SLC22A17: variants seen among roughly 807,000 people sequenced by gnomAD.
The protein encoded by SLC22A17 is solute carrier family 22 member 17.
Under a neutral mutation model 53.6 loss-of-function variants are expected in SLC22A17, and 38 were observed. That is an observed-to-expected ratio of 0.71 (90% CI 0.55 to 0.93). The LOEUF (loss-of-function observed/expected upper bound fraction) is 0.93, where lower values mean the gene tolerates loss of function less well. Ranked by LOEUF, SLC22A17 falls within the 40% of genes least tolerant of loss-of-function variation. SLC22A17 has a pLI of 0.00. For synonymous variants in SLC22A17, 379 were observed against 353.0 expected (o/e 1.07, Z -0.82); for missense variants, 704 against 791.0 (o/e 0.89, Z 1.32).
chr14:23,351,814 C>T (rs772006019), exon 3 of SLC22A17: 5 of 1,613,840 alleles, frequency 3.1e-6, no homozygotes, highest in South Asian at 1.1e-5. Flanking sequence ...AGAGGATCTG[C>T]TCCAGGATCA....
At chr14:23,349,191 G>A in intron 4 of SLC22A17, 81 bp downstream of exon 4, 3 of 1,568,504 alleles carry the variant, frequency 1.9e-6, no homozygotes, top group Non-Finnish European at 1.8e-6. Context: ...ATGTGGCCTA[G>A]GGGGCAGTGA....
chr14:23,347,760 C>T lies in SLC22A17; in HGVS notation c.1278-29G>A. Reference sequence around the variant, plus strand: ...TGAGAAGGGGTGGGGAAGCAACGAACAGAGCCTGAATCCCCTCCCGCAGCC... The same window carrying T: ...TGAGAAGGGGTGGGGAAGCAACGAATAGAGCCTGAATCCCCTCCCGCAGCC... On this transcript the variant is annotated intron_variant, in intron 7 of 9. Transcript: ENST00000397267. The surrounding 1 kb of genome is among the most constrained non-coding windows in gnomAD (Gnocchi z 5.1). The T allele has an allele frequency of 6.2e-7, 1 of 1,611,274 alleles. No homozygotes were observed. Among genetic ancestry groups the T allele is most frequent in the Admixed American group, 1.7e-5 (1 of 59,956 alleles).
exon 4 of SLC22A17, chr14:23,349,310 A>T: frequency 1.9e-6 from 3 of 1,614,034 alleles, no homozygotes; most frequent in Non-Finnish European, 2.5e-6. Flanking sequence ...GGCAAGCAGA[A>T]AGCCCAAGAG....
chr14:23,348,924 T>G lies in SLC22A17; in HGVS notation c.860-253A>C, dbSNP rs1889432915. The stretch of plus-strand genomic sequence containing the variant: ...TGGGTGAGTGTTCAACATTTCCAAT[T>G]TATAGGCCCTTTCCCATCAGGCCTC... On this transcript the variant is annotated intron_variant, in intron 4 of 9. Transcript: ENST00000397267. This position sits in a 1 kb window ranked among gnomAD's most constrained non-coding sequence, Gnocchi z 4.5. 2 of 594,940 alleles carry G rather than the reference T, an allele frequency of 3.4e-6. No homozygotes were observed. Among genetic ancestry groups the G allele is most frequent in the Non-Finnish European group, 5.9e-6 (2 of 336,546 alleles). The allele number at this position is 594,940 out of a possible 1,614,324, so 36.9% of individuals were successfully genotyped here.
chr14:23,347,647 C>A lies in SLC22A17; in HGVS notation c.1362G>T (p.Leu454=). ...AGGCCAGGGCTGCGGTGCCGCTGGC[C>A]AGCAGAGAGCACAGGTAGAAGTCCG... The change falls in exon 8 of 10, where the codon CTG becomes CTT. Residue 454 remains leucine, a synonymous_variant. Transcript: ENST00000397267. This position sits in a 1 kb window ranked among gnomAD's most constrained non-coding sequence, Gnocchi z 5.1. 1 of 1,614,006 alleles carries A rather than the reference C, an allele frequency of 6.2e-7. No individual in the cohort carries two copies. Among genetic ancestry groups the A allele is most frequent in the African/African-American group, 1.3e-5 (1 of 75,034 alleles).
chr14:23,352,866 C>G lies in SLC22A17; in HGVS notation c.-125G>C, dbSNP rs1399241741. On this transcript the variant is annotated 5_prime_UTR_variant, in exon 1 of 10. Coordinates refer to ENST00000397267, the Ensembl canonical transcript of SLC22A17. The surrounding 1 kb of genome is among the most constrained non-coding windows in gnomAD (Gnocchi z 7.2). Reference sequence around the variant, plus strand: ...ATCCCGCTCTGCAGCTCTGCAGCCGCGGGCGCCTCCTTGGTCTCTGCGATC... The same window carrying G: ...ATCCCGCTCTGCAGCTCTGCAGCCGGGGGCGCCTCCTTGGTCTCTGCGATC... The G allele has an allele frequency of 5.0e-6, 2 of 397,434 alleles. No individual in the cohort carries two copies. The highest frequency in any genetic ancestry group is 8.9e-6 in the Non-Finnish European group (2 of 225,436). The allele number at this position is 397,434 out of a possible 1,614,324, so 24.6% of individuals were successfully genotyped here.
At chr14:23,349,586 A>C (rs1028327394) in intron 3 of SLC22A17, 160 bp from the exon 4 acceptor site, 16 of 810,446 alleles carry the variant, frequency 2.0e-5, no homozygotes, top group Non-Finnish European at 2.9e-5. Flanking sequence ...GATGGGGACC[A>C]TGGGTGGGTG....
intron 4 of SLC22A17, 98 bp downstream of exon 4, chr14:23,349,173 CA>C: frequency 8.8e-6 from 13 of 1,480,160 alleles, no homozygotes; most frequent in Admixed American, 1.7e-5. Flanking sequence ...AGATTCTAGG[CA>C]GCTGAAATGT....
intron 3 of SLC22A17, among the ~76,000 whole-genome samples, chr14:23,350,628 G>A (rs1383136637): frequency 6.6e-6 from 1 of 152,222 alleles, no homozygotes; most frequent in East Asian, 1.9e-4. Context: ...ATCCCTGGGA[G>A]TTAGGCTATT....
chr14:23,352,124 G>C lies in SLC22A17; in HGVS notation c.424C>G (p.Pro142Ala). ...GCGACGCTGACGCCGCTGGCATTGG[G>C]AGGCTGCTCCCAGCCAGAGGCATTA... Residue 142 changes from proline (P) to alanine (A), a missense_variant, in exon 2 of 10, where the codon CCC becomes GCC. Transcript: ENST00000397267. This position sits in a 1 kb window ranked among gnomAD's most constrained non-coding sequence, Gnocchi z 7.2. 6.3e-7 allele frequency: 1 copy of C among 1,580,192 alleles called. No individual in the cohort carries two copies. Among genetic ancestry groups the C allele is most frequent in the Admixed American group, 1.9e-5 (1 of 52,760 alleles).
Position 23,352,870 on chromosome 14 carries a change from C to A in SLC22A17, c.-129G>T. The A allele has an allele frequency of 2.5e-6, 1 of 397,450 alleles. No individual in the cohort carries two copies. The highest frequency in any genetic ancestry group is 4.4e-6 in the Non-Finnish European group (1 of 225,400). 24.6% of individuals were successfully genotyped at this position (397,450 alleles called of 1,614,324 possible). On this transcript the variant is annotated 5_prime_UTR_variant, in exon 1 of 10. Transcript: ENST00000397267. The surrounding 1 kb of genome is among the most constrained non-coding windows in gnomAD (Gnocchi z 7.2). Reference sequence around the variant, plus strand: ...CGCTCTGCAGCTCTGCAGCCGCGGGCGCCTCCTTGGTCTCTGCGATCTCTG... The same window carrying A: ...CGCTCTGCAGCTCTGCAGCCGCGGGAGCCTCCTTGGTCTCTGCGATCTCTG...
In SLC22A17 at chr14:23,348,508, A is replaced by C; in HGVS notation, c.1023T>G (p.Tyr341Ter). 6.2e-7 allele frequency: 1 copy of C among 1,613,608 alleles called. No homozygotes were observed. Among genetic ancestry groups the C allele is most frequent in the Non-Finnish European group, 8.5e-7 (1 of 1,179,688 alleles). Reference sequence around the variant, plus strand: ...GACAGGTGAAGGGTAATACTGACCCATAAAACAGGAAGAGGATGCAGGGAG... The same window carrying C: ...GACAGGTGAAGGGTAATACTGACCCCTAAAACAGGAAGAGGATGCAGGGAG... The change falls in exon 5 of 10, where the codon TAT becomes TAG. Residue 341 changes from tyrosine (Y) to a stop codon, truncating the protein, a stop_gained and splice_region_variant. Transcript: ENST00000397267. LOFTEE classifies it high-confidence loss of function. The surrounding 1 kb of genome is among the most constrained non-coding windows in gnomAD (Gnocchi z 4.5).
intron 3 of SLC22A17, 64 bp downstream of exon 3, chr14:23,351,688 G>T: frequency 1.4e-6 from 2 of 1,451,884 alleles, no homozygotes; most frequent in Non-Finnish European, 1.9e-6. Context: ...AACGCCCGCT[G>T]CTTGGGTTAG....
chr14:23,352,630 G>C lies in SLC22A17; in HGVS notation c.96+16C>G. The stretch of plus-strand genomic sequence containing the variant: ...TGGGAGAGGATGGCGTCGCCACCTG[G>C]GGCTCGGGCACTTACTCCGTTGGAG... On this transcript the variant is annotated intron_variant, in intron 1 of 9. Transcript: ENST00000397267. The surrounding 1 kb of genome is among the most constrained non-coding windows in gnomAD (Gnocchi z 7.2). The C allele has an allele frequency of 2.4e-6, 1 of 411,408 alleles. No homozygotes were observed. Among genetic ancestry groups the C allele is most frequent in the Non-Finnish European group, 4.3e-6 (1 of 235,166 alleles). 25.5% of individuals were successfully genotyped at this position (411,408 alleles called of 1,614,324 possible).
At chr14:23,351,891 C>T (rs200761849) in intron 2 of SLC22A17, 36 bp from the exon 3 acceptor site, 391 of 1,611,304 alleles carry the variant, frequency 2.4e-4, no homozygotes, top group Admixed American at 2.3e-4. Flanking sequence ...GGCGTGAGGC[C>T]CCGCCCTCGC....
rs549690076 is a variant in SLC22A17, at chr14:23,347,785, C to T, written c.1278-54G>A. On this transcript the variant is annotated intron_variant, in intron 7 of 9. Coordinates refer to ENST00000397267, the Ensembl canonical transcript of SLC22A17. The surrounding 1 kb of genome is among the most constrained non-coding windows in gnomAD (Gnocchi z 5.1). ...CAGAGCCTGAATCCCCTCCCGCAGC[C>T]TTCTACAGTGCTGATGGTCCTCCGC... is the stretch of plus-strand genomic sequence containing the variant. 5.6e-6 allele frequency: 9 copies of T among 1,610,540 alleles called. No individual in the cohort carries two copies. In the Admixed American group the frequency reaches 1.2e-4, roughly 21 times the overall value.
rs767439895 is a variant in SLC22A17, at chr14:23,348,555, A to G, written c.976T>C (p.Phe326Leu). ...GGAGCGGTGATCATTCGCTGTAGGAATCGCCAATCCTTAGAGACAAGGGCC... is the reference window on the plus strand; with the variant it reads ...GGAGCGGTGATCATTCGCTGTAGGAGTCGCCAATCCTTAGAGACAAGGGCC... The change falls in exon 5 of 10, where the codon TTC becomes CTC. Residue 326 changes from phenylalanine (F) to leucine (L), a missense_variant. Around this residue, in one of 4 missense-constraint regions of SLC22A17, gnomAD observed 435 missense variants for 529.0 expected, o/e 0.82. Coordinates refer to ENST00000397267, the Ensembl canonical transcript of SLC22A17. The surrounding 1 kb of genome is among the most constrained non-coding windows in gnomAD (Gnocchi z 4.5). 1 of 1,614,088 alleles carries G rather than the reference A, an allele frequency of 6.2e-7. No individual in the cohort carries two copies. Among genetic ancestry groups the G allele is most frequent in the Non-Finnish European group, 8.5e-7 (1 of 1,179,992 alleles).
Position 23,352,327 on chromosome 14 carries a change from G to A in SLC22A17, c.221C>T (p.Pro74Leu). 2 of 1,242,310 alleles carry A rather than the reference G, an allele frequency of 1.6e-6. No individual in the cohort carries two copies. The highest frequency in any genetic ancestry group is 1.1e-6 in the Non-Finnish European group (1 of 948,860). The allele number at this position is 1,242,310 out of a possible 1,614,324, so 77.0% of individuals were successfully genotyped here. A position where few individuals can be genotyped will look rare whatever the true frequency, so the allele number is the denominator to read the frequency against. The change falls in exon 2 of 10, where the codon CCC (proline) becomes CTC (leucine). Residue 74 changes from proline (P) to leucine (L), a missense_variant. By Grantham distance (98) the Pro-to-Leu change is moderately conservative. This residue lies in a region of SLC22A17 where 42 missense variants were observed against 28.2 expected (regional missense o/e 1.49). Transcript: ENST00000397267. The surrounding 1 kb of genome is among the most constrained non-coding windows in gnomAD (Gnocchi z 7.2). Reference sequence around the variant, plus strand: ...CGCCTCAAAGCTGAGGGGGCCTGGGGGCACGGCCAGCGACAGGCTGCTGCC... The same window carrying A: ...CGCCTCAAAGCTGAGGGGGCCTGGGAGCACGGCCAGCGACAGGCTGCTGCC...
chr14:23,348,658 G>C lies in SLC22A17; in HGVS notation c.873C>G (p.Cys291Trp). 1.9e-6 allele frequency: 3 copies of C among 1,611,810 alleles called. No individual in the cohort carries two copies. The highest frequency in any genetic ancestry group is 2.5e-6 in the Non-Finnish European group (3 of 1,178,888). The change falls in exon 5 of 10, where the codon TGC becomes TGG. Residue 291 changes from cysteine (C) to tryptophan (W), a missense_variant. By Grantham distance (215) the Cys-to-Trp change is radical. This residue lies in a region of SLC22A17 where 435 missense variants were observed against 529.0 expected (regional missense o/e 0.82). Transcript: ENST00000397267. This position sits in a 1 kb window ranked among gnomAD's most constrained non-coding sequence, Gnocchi z 4.5. ...CCACCCGAAGCCTCTGGGTTGGGTC[G>C]CACAGCTCCAGGCCTGGAGATACAG...
Sources: allele counts gnomAD v4.1 joint callset (sites outside exome capture counted in the v4.1 genomes callset), GRCh38; gene constraint gnomAD v4.1.1; regional missense constraint gnomAD v4.1.1; non-coding constraint Gnocchi (gnomAD v3.1); transcripts MANE v1.5; gene names NCBI Gene and HGNC (gene_info 2026-07-23, HGNC 2026-07-21).